The following CCDC92B variants were observed in gnomAD, a reference collection of about 807,000 sequenced individuals.
CCDC92B encodes coiled-coil domain-containing 92B.
Under a neutral mutation model 5.6 loss-of-function variants are expected in CCDC92B, and 2 were observed. That is an observed-to-expected ratio of 0.36 (90% CI 0.15 to 1.12). The LOEUF is 1.12. Among genes scored for constraint, CCDC92B ranks in the 50% most tolerant of loss-of-function variants. The probability of loss-of-function intolerance (pLI) is 0.40; values close to 1 mark genes in which losing one functional copy is unlikely to be tolerated. For synonymous variants in CCDC92B, 115 were observed against 122.3 expected, an observed-to-expected ratio of 0.94 and a Z score of 0.39; for missense variants, 271 against 262.2, an observed-to-expected ratio of 1.03 and a Z score of -0.23.
chr17:2,735,782 G>A (rs1426640103), intron 1 of CCDC92B, among the ~76,000 whole-genome samples: 5 of 152,134 alleles, frequency 3.3e-5, no homozygotes, highest in Admixed American at 1.3e-4. Flanking sequence ...AAATGGAGTG[G>A]CAAAGTCAGT....
intron 2 of CCDC92B, among the ~76,000 whole-genome samples, chr17:2,733,012 CAAAAT>C (rs1021068280): frequency 1.4e-5 from 2 of 141,366 alleles, no homozygotes; most frequent in African/African-American, 5.2e-5. Flanking sequence ...GACCCTGTCT[CAAAAT>C]AAATAAATAA....
At chr17:2,745,992 T>G (rs1458644639) in intron 1 of CCDC92B, among the ~76,000 whole-genome samples, 1 of 151,840 alleles carries the variant, frequency 6.6e-6, no homozygotes, top group Non-Finnish European at 1.5e-5. Flanking sequence ...TTCTTTTTTT[T>G]CCCCCCGAGA....
intron 2 of CCDC92B, among the ~76,000 whole-genome samples, chr17:2,730,830 G>C (rs1306382022): frequency 6.6e-6 from 1 of 152,134 alleles, no homozygotes; most frequent in Non-Finnish European, 1.5e-5. Context: ...GGGACTATCT[G>C]CCTTTCCTGG....
chr17:2,741,888 G>A (rs888847150), intron 1 of CCDC92B, among the ~76,000 whole-genome samples: 2 of 150,240 alleles, frequency 1.3e-5, no homozygotes, highest in African/African-American at 2.5e-5. Flanking sequence ...CACCGCGCCC[G>A]GCCAGGAGAA....
chr17:2,744,184 A>G (rs1042930550), intron 1 of CCDC92B, among the ~76,000 whole-genome samples: 2 of 148,878 alleles, frequency 1.3e-5, no homozygotes, highest in Non-Finnish European at 3.0e-5. Flanking sequence ...CCCGGCCTAA[A>G]TTTTTTTTTT....
chr17:2,738,219 T>G (rs2070877214), intron 1 of CCDC92B, among the ~76,000 whole-genome samples: 1 of 151,844 alleles, frequency 6.6e-6, no homozygotes, highest in Admixed American at 6.6e-5. Context: ...TTTTAAAATT[T>G]TTTGTAGAGA....
At chr17:2,730,285 G>T (rs879413754) in intron 3 of CCDC92B, among the ~76,000 whole-genome samples, 161 bp downstream of exon 3, 79 of 152,246 alleles carry the variant, frequency 5.2e-4, no homozygotes, top group Middle Eastern at 3.4e-3. Flanking sequence ...GTCGTCCACT[G>T]GGCAAGTGTG....
At chr17:2,727,146 T>G (rs2151737179) in intron 3 of CCDC92B, among the ~76,000 whole-genome samples, 1 of 152,296 alleles carries the variant, frequency 6.6e-6, no homozygotes, top group African/African-American at 2.4e-5. Flanking sequence ...CCTCATAAAG[T>G]GCTGGGATTA....
In CCDC92B at chr17:2,722,138, G is replaced by A. The variant is rs1409918320; in HGVS notation, c.*2273C>T. On this transcript the variant is annotated 3_prime_UTR_variant, in exon 4 of 4. Transcript: ENST00000614400. ...CCAAAAGTGTGGTCGTGGGAGATGAGGGTCTGTGCACGCTCCTCTGGAAAG... is the reference window on the plus strand; with the variant it reads ...CCAAAAGTGTGGTCGTGGGAGATGAAGGTCTGTGCACGCTCCTCTGGAAAG... 1 of 152,220 alleles carries A rather than the reference G, an allele frequency of 6.6e-6. No individual in the cohort carries two copies. 9.4% of individuals were successfully genotyped at this position (152,220 alleles called of 1,614,324 possible).
chr17:2,730,430 G>A lies in CCDC92B; in HGVS notation c.178+16C>T. ...TGGGCCCCATGACGCTTCCCCACCA[G>A]TGGTCCTTCTCTTACCTTGCTGGTG... On this transcript the variant is annotated intron_variant, in intron 3 of 3. Transcript: ENST00000614400. The A allele has an allele frequency of 1.0e-6, 1 of 985,124 alleles. No individual in the cohort carries two copies. Among genetic ancestry groups the A allele is most frequent in the Non-Finnish European group, 1.2e-6 (1 of 829,822 alleles). 61.0% of individuals were successfully genotyped at this position (985,124 alleles called of 1,614,324 possible).
At position 2,735,107 on chromosome 17, in the gene CCDC92B, C is replaced by A; in HGVS notation, c.39G>T (p.Val13=). Residue 13 remains valine, a synonymous_variant, in exon 2 of 4, where the codon GTG becomes GTT. Coordinates refer to ENST00000614400, the MANE Select transcript of CCDC92B (RefSeq NM_001355573.2). ...TTTTCAGGAAGCTGATGTGGCGTTG[C>A]ACGCTCTGGATCTGATGCTCCAGGG... ...TVSLEHQIQS[V]QRHISFLKKE... is the part of the protein sequence containing the mutation. 1 of 985,608 alleles carries A rather than the reference C, an allele frequency of 1.0e-6. No homozygotes were observed. The highest frequency in any genetic ancestry group is 1.2e-6 in the Non-Finnish European group (1 of 830,040). 61.1% of individuals were successfully genotyped at this position (985,608 alleles called of 1,614,324 possible). A position where few individuals can be genotyped will look rare whatever the true frequency, so the allele number is the denominator to read the frequency against.
rs1476078186 is a variant in CCDC92B at position 2,723,859 on chromosome 17, A to T, written c.*552T>A. On this transcript the variant is annotated 3_prime_UTR_variant, in exon 4 of 4. Coordinates refer to ENST00000614400, the MANE Select transcript of CCDC92B (RefSeq NM_001355573.2). ...GTGTCTTCTAAAGTGTTCCGTGCTC[A>T]CCTGCAAGGACCTATCGGCAGGGTC... is the stretch of plus-strand genomic sequence containing the variant. 1.5e-6 allele frequency: 1 copy of T among 672,376 alleles called. No homozygotes were observed. The highest frequency in any genetic ancestry group is 1.4e-4 in the East Asian group (1 of 7,334). The allele number at this position is 672,376 out of a possible 1,614,324, so 41.7% of individuals were successfully genotyped here.
At chr17:2,728,504 A>G (rs1048013225) in intron 3 of CCDC92B, among the ~76,000 whole-genome samples, 13 of 151,764 alleles carry the variant, frequency 8.6e-5, no homozygotes, top group South Asian at 4.2e-4. Context: ...TACACGGGAG[A>G]CTGAGGCAGA....
At chr17:2,741,690 T>TCA (rs2070928757) in intron 1 of CCDC92B, among the ~76,000 whole-genome samples, 1 of 147,720 alleles carries the variant, frequency 6.8e-6, no homozygotes, top group African/African-American at 2.5e-5. Context: ...CCTCCCGGGT[T>TCA]CGCCTCATTC....
At chr17:2,742,560 A>C (rs1208817812) in intron 1 of CCDC92B, among the ~76,000 whole-genome samples, 1 of 152,206 alleles carries the variant, frequency 6.6e-6, no homozygotes, top group East Asian at 1.9e-4. Context: ...AAGCAACCCA[A>C]GAATGAAGGC....
intron 1 of CCDC92B, among the ~76,000 whole-genome samples, chr17:2,747,090 C>T (rs2070995684): frequency 6.6e-6 from 1 of 152,178 alleles, no homozygotes; most frequent in African/African-American, 2.4e-5. Context: ...CCACCTCTTT[C>T]TTTCCCTCAA....
chr17:2,728,191 G>A (rs921849944), intron 3 of CCDC92B, among the ~76,000 whole-genome samples: 1 of 151,718 alleles, frequency 6.6e-6, no homozygotes, highest in Non-Finnish European at 1.5e-5. Flanking sequence ...GCATGTATCT[G>A]TAGTACCAGC....
intron 3 of CCDC92B, among the ~76,000 whole-genome samples, chr17:2,730,243 C>T (rs1446091573): frequency 6.6e-6 from 1 of 152,196 alleles, no homozygotes; most frequent in East Asian, 1.9e-4. Context: ...TGAGGTGGTG[C>T]AGGTTGTTCA....
At chr17:2,725,988 C>CTTTTTTT (rs565583381) in intron 3 of CCDC92B, among the ~76,000 whole-genome samples, 4 of 78,254 alleles carry the variant, frequency 5.1e-5, no homozygotes, top group East Asian at 4.0e-4. Flanking sequence ...TTTATCACGT[C>CTTTTTTT]TTTTTTTTTT....
Sources: allele counts gnomAD v4.1 joint callset (sites outside exome capture counted in the v4.1 genomes callset), GRCh38; gene constraint gnomAD v4.1.1; transcripts MANE v1.5; gene names NCBI Gene and HGNC (gene_info 2026-07-23, HGNC 2026-07-21).